The following CREB1 variants were observed in gnomAD, a reference collection of about 807,000 sequenced individuals.
CREB1 encodes the protein cyclic AMP-responsive element-binding protein 1.
In CREB1, 2 loss-of-function variants were observed where a neutral mutation model predicts 42.0. The ratio of observed to expected loss-of-function variants is 0.05; its 90% CI spans 0.02 to 0.15. The LOEUF is 0.15. Ranked by LOEUF, CREB1 falls within the 10% of genes least tolerant of loss-of-function variation. CREB1 has a pLI of 1.00. For synonymous variants in CREB1, 123 were observed against 139.9 expected, an observed-to-expected ratio of 0.88 and a Z score of 0.85; for missense variants, 199 against 388.9, an observed-to-expected ratio of 0.51 and a Z score of 4.11.
At chr2:207,538,925 A>G (rs1430403425) in intron 1 of CREB1, among the ~76,000 whole-genome samples, 1 of 152,096 alleles carries the variant, frequency 6.6e-6, no homozygotes, top group Non-Finnish European at 1.5e-5. Context: ...AATAACCATT[A>G]TTTTTGAGGG....
intron 1 of CREB1, among the ~76,000 whole-genome samples, chr2:207,549,534 A>G (rs766529621): frequency 4.6e-5 from 7 of 152,236 alleles, no homozygotes; most frequent in Admixed American, 2.6e-4. Context: ...CCTGAACATT[A>G]TAACACTTTA....
At chr2:207,534,937 C>A (rs1420675996) in intron 1 of CREB1, among the ~76,000 whole-genome samples, 1 of 152,022 alleles carries the variant, frequency 6.6e-6, no homozygotes, top group Non-Finnish European at 1.5e-5. Context: ...CATGCTTTAC[C>A]CCCACCACTT....
rs556675300 is a variant in CREB1 at position 207,557,897 on chromosome 2, C to A, written c.114+2148C>A. Among the ~76,000 whole-genome samples, 4 of 152,112 alleles carry A rather than the reference C, an allele frequency of 2.6e-5. No individual in the cohort carries two copies. In the South Asian group the frequency reaches 8.3e-4, roughly 32 times the overall value. On this transcript the variant is annotated intron_variant, in intron 2 of 7. Coordinates refer to ENST00000353267, the MANE Select transcript of CREB1 (RefSeq NM_004379.5). ...AGGTATATTTTCCCTAGAGAAGACT[C>A]AGGAAAGAGAACATAGTAATTGCTT...
At chr2:207,569,996 C>T (rs979595386) in intron 4 of CREB1, among the ~76,000 whole-genome samples, 183 bp from the exon 5 acceptor site, 107 of 147,300 alleles carry the variant, frequency 7.3e-4, no homozygotes, top group African/African-American at 2.7e-3. Context: ...GAACCAAGAT[C>T]GCGCCACTGC....
intron 5 of CREB1, among the ~76,000 whole-genome samples, chr2:207,573,450 T>A (rs937415822): frequency 2.7e-4 from 41 of 152,218 alleles, no homozygotes; most frequent in African/African-American, 9.7e-4. Flanking sequence ...AACAGTTTAG[T>A]GATGGCTGGG....
intron 1 of CREB1, among the ~76,000 whole-genome samples, chr2:207,540,196 A>C (rs1330098815): frequency 6.6e-6 from 1 of 152,222 alleles, no homozygotes; most frequent in Non-Finnish European, 1.5e-5. Context: ...AGAAGAAGGC[A>C]TTGTTACCAT....
In CREB1 at chr2:207,605,578, G is replaced by GT. The variant is rs1217963800; in HGVS notation, c.*8526dup. 1.3e-5 allele frequency among the ~76,000 whole-genome samples: 2 copies of GT among 150,844 alleles called. No homozygotes were observed. The highest frequency in any genetic ancestry group is 5.0e-5 in the African/African-American group (2 of 40,240). ...AACTGTAAGAAGTTTTTTGTGTTAT[G>GT]TTTTTTGTGACAGTCTGTGCATATA... On this transcript the variant is annotated 3_prime_UTR_variant, in exon 8 of 8. Coordinates refer to ENST00000353267, the MANE Select transcript of CREB1 (RefSeq NM_004379.5).
intron 1 of CREB1, among the ~76,000 whole-genome samples, chr2:207,541,973 G>T (rs111760735): frequency 6.6e-6 from 1 of 152,296 alleles, no homozygotes; most frequent in African/African-American, 2.4e-5. Context: ...GTGATGAGCT[G>T]CCTTTAGCAT....
In CREB1 at chr2:207,594,817, A is replaced by G. The variant is rs190393717; in HGVS notation, c.840-2097A>G. On this transcript the variant is annotated intron_variant, in intron 7 of 7. Coordinates refer to ENST00000353267, the MANE Select transcript of CREB1 (RefSeq NM_004379.5). ...CCATTCCATTTTCCATAGCAGCTGC[A>G]CCATTTTACATTCCTACCAACAGTA... 5.8e-3 allele frequency among the ~76,000 whole-genome samples: 878 copies of G among 152,180 alleles called. 4 individuals are homozygous for G. The highest frequency in any genetic ancestry group is 9.9e-3 in the Non-Finnish European group (676 of 68,010).
At chr2:207,543,100 T>A (rs1466191260) in intron 1 of CREB1, among the ~76,000 whole-genome samples, 1 of 152,210 alleles carries the variant, frequency 6.6e-6, no homozygotes, top group Non-Finnish European at 1.5e-5. Context: ...CCATATACTT[T>A]AAATCATCTC....
chr2:207,556,847 C>G (rs1391604462), intron 2 of CREB1, among the ~76,000 whole-genome samples: 1 of 152,060 alleles, frequency 6.6e-6, no homozygotes, highest in East Asian at 1.9e-4. Context: ...GAGGAAGACA[C>G]AATGCTAGGC....
chr2:207,541,634 A>G (rs1227238146), intron 1 of CREB1, among the ~76,000 whole-genome samples: 1 of 152,226 alleles, frequency 6.6e-6, no homozygotes, highest in Non-Finnish European at 1.5e-5. Flanking sequence ...ACATGACTGT[A>G]TATGTATTAC....
At chr2:207,560,612 A>G (rs1224316464) in intron 3 of CREB1, among the ~76,000 whole-genome samples, 1 of 152,252 alleles carries the variant, frequency 6.6e-6, no homozygotes, top group Non-Finnish European at 1.5e-5. Context: ...ATTGGGGAAA[A>G]TAATGAAGTA....
At chr2:207,555,229 A>G (rs1210488842) in intron 1 of CREB1, among the ~76,000 whole-genome samples, 1 of 152,194 alleles carries the variant, frequency 6.6e-6, no homozygotes, top group African/African-American at 2.4e-5. Context: ...CTCTGTCATC[A>G]TTAGCTCACT....
chr2:207,534,868 T>C (rs562091426), intron 1 of CREB1, among the ~76,000 whole-genome samples: 6 of 152,344 alleles, frequency 3.9e-5, no homozygotes, highest in African/African-American at 9.6e-5. Context: ...CAAATATGTA[T>C]GTACAGTCTC....
chr2:207,586,838 G>A (rs1188298207), intron 7 of CREB1, among the ~76,000 whole-genome samples: 1 of 152,204 alleles, frequency 6.6e-6, no homozygotes, highest in African/African-American at 2.4e-5. Flanking sequence ...AAACCACAAT[G>A]AAGTATCATT....
At chr2:207,566,693 C>T (rs1391900073) in intron 3 of CREB1, among the ~76,000 whole-genome samples, 2 of 152,100 alleles carry the variant, frequency 1.3e-5, no homozygotes, top group Admixed American at 6.6e-5. Flanking sequence ...TTAGTTCTTC[C>T]ATCTATGGAA....
chr2:207,588,325 C>CT (rs1559068851), intron 7 of CREB1, among the ~76,000 whole-genome samples: 2 of 152,074 alleles, frequency 1.3e-5, no homozygotes, highest in South Asian at 2.1e-4. Context: ...TGCCCTTGCT[C>CT]TTTTTTTCAA....
Position 207,597,183 on chromosome 2 carries a change from GC to G in CREB1, c.*126del. On this transcript the variant is annotated 3_prime_UTR_variant, in exon 8 of 8. Transcript: ENST00000353267. Reference sequence around the variant, plus strand: ...TTTCTATGCGCAAAACTGCCTGAAAGCAACTACAGAATTTCATTCATTTGTG... The same window carrying G: ...TTTCTATGCGCAAAACTGCCTGAAAGAACTACAGAATTTCATTCATTTGTG... The G allele has an allele frequency of 9.9e-7, 1 of 1,005,560 alleles. No individual in the cohort carries two copies. 62.3% of individuals were successfully genotyped at this position (1,005,560 alleles called of 1,614,324 possible). A position where few individuals can be genotyped will look rare whatever the true frequency, so the allele number is the denominator to read the frequency against.
Sources: allele counts gnomAD v4.1 joint callset (sites outside exome capture counted in the v4.1 genomes callset), GRCh38; gene constraint gnomAD v4.1.1; transcripts MANE v1.5; gene names NCBI Gene and HGNC (gene_info 2026-07-23, HGNC 2026-07-21).